Variants in FARS2 observed in about 807,000 individuals in gnomAD.
FARS2 encodes phenylalanyl-tRNA synthetase 2, mitochondrial, also known as phenylalanine--tRNA ligase, mitochondrial.
In FARS2, 40 loss-of-function variants were observed where a neutral mutation model predicts 46.4. The observed-to-expected ratio is 0.86, with a 90% CI of 0.67 to 1.12. The LOEUF (loss-of-function observed/expected upper bound fraction) is 1.12, where lower values mean the gene tolerates loss of function less well. Ranked by LOEUF, FARS2 falls within the 50% of genes most tolerant of loss-of-function variation. The pLI, the probability that FARS2 is intolerant of heterozygous loss-of-function variation, is 0.00. For synonymous variants in FARS2, 234 were observed against 214.9 expected, an observed-to-expected ratio of 1.09 and a Z score of -0.78; for missense variants, 513 against 567.9, an observed-to-expected ratio of 0.90 and a Z score of 0.98.
At chr6:5,648,176 A>G (rs576493793) in intron 6 of FARS2, among the ~76,000 whole-genome samples, 2 of 152,348 alleles carry the variant, frequency 1.3e-5, no homozygotes, top group East Asian at 3.9e-4. Flanking sequence ...CAGTGAAGTC[A>G]CCTACTCCAA....
intron 6 of FARS2, among the ~76,000 whole-genome samples, chr6:5,752,868 C>T (rs1027965405): frequency 6.6e-6 from 1 of 151,778 alleles, no homozygotes; most frequent in African/African-American, 2.4e-5. Context: ...GCCTTGCCCT[C>T]CCCAAGACCC....
At chr6:5,364,227 A>G (rs959593836) in intron 1 of FARS2, among the ~76,000 whole-genome samples, 3 of 152,188 alleles carry the variant, frequency 2.0e-5, no homozygotes, top group African/African-American at 7.2e-5. Flanking sequence ...GATCTAGTAT[A>G]ATCTTTTCAT....
intron 4 of FARS2, among the ~76,000 whole-genome samples, chr6:5,485,252 A>T (rs1350299525): frequency 5.3e-5 from 8 of 152,106 alleles, no homozygotes; most frequent in African/African-American, 1.7e-4. Flanking sequence ...AAATGGGCAT[A>T]CTTTGCTCAT....
In FARS2 at chr6:5,422,378, C is replaced by CT. The variant is rs796804044; in HGVS notation, c.773-8653dup. 2.3e-3 allele frequency among the ~76,000 whole-genome samples: 348 copies of CT among 149,516 alleles called. 1 individual carries two copies. The highest frequency in any genetic ancestry group is 7.6e-3 in the African/African-American group (311 of 40,908). On this transcript the variant is annotated intron_variant, in intron 3 of 6. Coordinates refer to ENST00000274680, the MANE Select transcript of FARS2 (RefSeq NM_006567.5). ...TGTTTGGTTCTCTCTCTCTCTCTCT[C>CT]TTTTTTTTTTAAATCATAAATGTCA...
chr6:5,260,069 G>A (rs992153734), upstream of FARS2, among the ~76,000 whole-genome samples: 3 of 152,206 alleles, frequency 2.0e-5, no homozygotes, highest in African/African-American at 4.8e-5. Context: ...TGAGCCAGGA[G>A]AAACTGAGGT....
intron 1 of FARS2, among the ~76,000 whole-genome samples, chr6:5,328,292 G>T (rs1436063552): frequency 6.6e-6 from 1 of 152,100 alleles, no homozygotes; most frequent in Non-Finnish European, 1.5e-5. Context: ...TGCCCCTGTT[G>T]GTTGAGAATG....
intron 6 of FARS2, among the ~76,000 whole-genome samples, chr6:5,683,344 A>G (rs1779128393): frequency 6.6e-6 from 1 of 152,198 alleles, no homozygotes; most frequent in African/African-American, 2.4e-5. Flanking sequence ...CTAAGTGAGC[A>G]GGTGAATAGT....
intron 6 of FARS2, among the ~76,000 whole-genome samples, chr6:5,623,751 G>A (rs1040610561): frequency 6.6e-6 from 1 of 151,952 alleles, no homozygotes; most frequent in African/African-American, 2.4e-5. Context: ...TTGTAAAGTG[G>A]CATCGATGCT....
chr6:5,404,355 G>T (rs1454782069), intron 2 of FARS2, among the ~76,000 whole-genome samples, 187 bp from the exon 3 acceptor site: 1 of 152,144 alleles, frequency 6.6e-6, no homozygotes, highest in African/African-American at 2.4e-5. Flanking sequence ...ACCATGTAGC[G>T]TAGTGTTTTC....
At chr6:5,643,574 C>G (rs9504463) in intron 6 of FARS2, among the ~76,000 whole-genome samples, 234 of 152,296 alleles carry the variant, frequency 1.5e-3, no homozygotes, top group African/African-American at 4.7e-3. Context: ...GGTAACTTAT[C>G]ACATGCTACC....
At position 5,325,400 on chromosome 6, in the gene FARS2, C is replaced by G. The variant is rs545362656; in HGVS notation, c.-21-43150C>G. 2.0e-5 allele frequency among the ~76,000 whole-genome samples: 3 copies of G among 152,374 alleles called. No individual in the cohort carries two copies. In the South Asian group the frequency reaches 6.2e-4, roughly 32 times the overall value. On this transcript the variant is annotated intron_variant, in intron 1 of 6. Coordinates refer to ENST00000274680, the MANE Select transcript of FARS2 (RefSeq NM_006567.5). ...GCTAAGTACTGCCCCCTCCTGCCAT[C>G]CAGTGGCGGCAGGGACTGGCATGGT...
chr6:5,368,640 T>G lies in FARS2; in HGVS notation c.70T>G (p.Ser24Ala). The G allele has an allele frequency of 6.2e-7, 1 of 1,614,098 alleles. No homozygotes were observed. Among genetic ancestry groups the G allele is most frequent in the Non-Finnish European group, 8.5e-7 (1 of 1,180,016 alleles). ...VYLVSKASHI[S>A]RGHQHQAWGS... is the part of the protein sequence containing the mutation. ...CCTGGTGAGTAAGGCCAGTCACATCTCCAGAGGCCATCAGCACCAGGCCTG... is the reference window on the plus strand; with the variant it reads ...CCTGGTGAGTAAGGCCAGTCACATCGCCAGAGGCCATCAGCACCAGGCCTG... Residue 24 changes from serine (S) to alanine (A), a missense_variant, in exon 2 of 7, where the codon TCC (serine) becomes GCC (alanine). Physicochemically the swap from Ser to Ala is moderately conservative, Grantham distance 99. Transcript: ENST00000274680.
rs771882917 is a variant in FARS2, at chr6:5,545,195, G to A, written c.920G>A (p.Arg307Gln). The change falls in exon 5 of 7, where the codon CGA (arginine) becomes CAA (glutamine). Residue 307 changes from arginine (R) to glutamine (Q), a missense_variant. Coordinates refer to ENST00000274680, the MANE Select transcript of FARS2 (RefSeq NM_006567.5). The stretch of plus-strand genomic sequence containing the variant: ...CTAATCACAGCTGGTGCTCAAGACC[G>A]AATCGGCTGGGCTTTTGGCCTAGGA... Reference protein sequence around the residue: ...QLVNSAGAQDRIGWAFGLGLE... With the variant: ...QLVNSAGAQDQIGWAFGLGLE... 2.4e-5 allele frequency: 38 copies of A among 1,613,550 alleles called. No homozygotes were observed. In the Admixed American group the frequency reaches 2.7e-4, roughly 11 times the overall value.
chr6:5,324,767 CA>C (rs1453327214), intron 1 of FARS2, among the ~76,000 whole-genome samples: 1 of 152,112 alleles, frequency 6.6e-6, no homozygotes, highest in Non-Finnish European at 1.5e-5. Flanking sequence ...GCTTGGCTGG[CA>C]GCCCCTGAGT....
chr6:5,553,319 T>C (rs1298585891), intron 5 of FARS2, among the ~76,000 whole-genome samples: 1 of 152,222 alleles, frequency 6.6e-6, no homozygotes, highest in Non-Finnish European at 1.5e-5. Context: ...ATGATAATAC[T>C]GGTAGTTAGT....
intron 1 of FARS2, among the ~76,000 whole-genome samples, chr6:5,267,493 G>A (rs1166622108): frequency 3.9e-5 from 6 of 152,078 alleles, no homozygotes; most frequent in Non-Finnish European, 8.8e-5. Flanking sequence ...GCTCACACCT[G>A]TAATCCCAGC....
chr6:5,665,767 T>C (rs1488892126), intron 6 of FARS2, among the ~76,000 whole-genome samples: 2 of 152,220 alleles, frequency 1.3e-5, no homozygotes, highest in African/African-American at 4.8e-5. Flanking sequence ...CTGTATAGTA[T>C]TGCCTTTTTC....
At chr6:5,477,060 C>G (rs1766167051) in intron 4 of FARS2, among the ~76,000 whole-genome samples, 1 of 152,184 alleles carries the variant, frequency 6.6e-6, no homozygotes, top group African/African-American at 2.4e-5. Flanking sequence ...GCAATTGGTA[C>G]TTCTCTTTCC....
chr6:5,638,684 C>A (rs1194426338), intron 6 of FARS2, among the ~76,000 whole-genome samples: 1 of 152,254 alleles, frequency 6.6e-6, no homozygotes, highest in Non-Finnish European at 1.5e-5. Flanking sequence ...GTTCCCATCC[C>A]CCCGGCTGTG....
Sources: gnomAD v4.1 joint callset for allele counts (sites outside exome capture counted in the v4.1 genomes callset) on GRCh38, gnomAD v4.1.1 for gene constraint, MANE v1.5 for transcripts, NCBI Gene and HGNC (gene_info 2026-07-23, HGNC 2026-07-21) for gene names.